SORCS2: variants seen among roughly 807,000 people sequenced by gnomAD.
SORCS2 encodes sortilin related VPS10 domain containing receptor 2, also known as VPS10 domain-containing receptor SorCS2.
Under a neutral mutation model 141.6 loss-of-function variants are expected in SORCS2, and 100 were observed. That is an observed-to-expected ratio of 0.71 (90% CI 0.60 to 0.83). SORCS2 has a LOEUF of 0.83. Among genes scored for constraint, SORCS2 ranks in the 40% least tolerant of loss-of-function variants. The probability of loss-of-function intolerance (pLI) is 0.00; values close to 1 mark genes in which losing one functional copy is unlikely to be tolerated. For missense variants in SORCS2, 1,646 were observed against 1,560.2 expected, an observed-to-expected ratio of 1.05 and a Z score of -0.93; for synonymous variants, 789 against 676.9, an observed-to-expected ratio of 1.17 and a Z score of -2.57.
At position 7,193,039 on chromosome 4, in the gene SORCS2, G is replaced by C. The variant is rs1192274311; in HGVS notation, c.393G>C (p.Gln131His). ...TGGCCGGAGTGGCTTCGCGGGCGCA[G>C]GTCTCGCTCATCAGCACGTCGTTCG... ...APLAGVASRAQVSLISTSFVL... is the reference protein window; with the variant it reads ...APLAGVASRAHVSLISTSFVL... The change falls in exon 1 of 27, where the codon CAG becomes CAC. Residue 131 changes from glutamine (Q) to histidine (H), a missense_variant. Transcript: ENST00000507866. This position sits in a 1 kb window ranked among gnomAD's most constrained non-coding sequence, Gnocchi z 4.8. 8 of 1,524,212 alleles carry C rather than the reference G, an allele frequency of 5.2e-6. 1 individual carries two copies. The South Asian group carries it at 8.5e-5, about 16-fold the overall frequency. The allele number at this position is 1,524,212 out of a possible 1,614,324, so 94.4% of individuals were successfully genotyped here. A position where few individuals can be genotyped will look rare whatever the true frequency, so the allele number is the denominator to read the frequency against.
Position 7,724,692 on chromosome 4 carries a change from G to A in SORCS2, c.2612-462G>A, listed in dbSNP as rs1304354770. On this transcript the variant is annotated intron_variant, in intron 19 of 26. Coordinates refer to ENST00000507866, the MANE Select transcript of SORCS2 (RefSeq NM_020777.3). ...TAATGGTGGTAGTGGTGATGGTGGT[G>A]GTGTTGGTGATGGTGGTGATAGTAT... Among the ~76,000 whole-genome samples the A allele has an allele frequency of 6.2e-4, 60 of 96,490 alleles. 15 individuals are homozygous for A. Among genetic ancestry groups the A allele is most frequent in the South Asian group, 1.8e-3 (5 of 2,804 alleles). 63.3% of individuals were successfully genotyped at this position (96,490 alleles called of 152,430 possible). A position where few individuals can be genotyped will look rare whatever the true frequency, so the allele number is the denominator to read the frequency against.
At chr4:7,373,456 T>C (rs12501266) in intron 1 of SORCS2, among the ~76,000 whole-genome samples, 53,561 of 88,500 alleles carry the variant, frequency 0.61, 17,146 homozygotes, top group East Asian at 0.85. Flanking sequence ...TGTGAGAAAC[T>C]TTTATATATA....
Position 7,682,799 on chromosome 4 carries a change from G to T in SORCS2, c.1398G>T (p.Met466Ile), listed in dbSNP as rs1244263660. 1 of 1,612,832 alleles carries T rather than the reference G, an allele frequency of 6.2e-7. No homozygotes were observed. Among genetic ancestry groups the T allele is most frequent in the East Asian group, 2.2e-5 (1 of 44,866 alleles). The stretch of plus-strand genomic sequence containing the variant: ...ACCAAAAAATTGATGGGAAAGTGAT[G>T]ACGCTTATAACCTACAACAAGGGCC... ...LANQKIDGKV[M>I]TLITYNKGRD... Residue 466 changes from methionine to isoleucine, a missense_variant, in exon 10 of 27, where the codon ATG (methionine) becomes ATT (isoleucine). Physicochemically the swap from Met to Ile is conservative, Grantham distance 10 (BLOSUM62 1). Coordinates refer to ENST00000507866, the MANE Select transcript of SORCS2 (RefSeq NM_020777.3).
intron 2 of SORCS2, among the ~76,000 whole-genome samples, chr4:7,423,004 C>A (rs1267899240): frequency 2.0e-5 from 3 of 149,442 alleles, no homozygotes; most frequent in Admixed American, 6.7e-5. Context: ...CCCTACCCCC[C>A]ACCCCTCTCT....
At chr4:7,518,479 T>A (rs1282447659) in intron 2 of SORCS2, among the ~76,000 whole-genome samples, 2 of 152,190 alleles carry the variant, frequency 1.3e-5, no homozygotes, top group African/African-American at 4.8e-5. Context: ...GTGTGTCTCG[T>A]GGGGACTGCA....
At position 7,459,984 on chromosome 4, in the gene SORCS2, C is replaced by T. The variant is rs536659901; in HGVS notation, c.548+63629C>T. 238 of 154,866 alleles carry T rather than the reference C, an allele frequency of 1.5e-3. 4 individuals are homozygous for T. The highest frequency in any genetic ancestry group is 5.4e-3 in the African/African-American group (224 of 41,620). 9.6% of individuals were successfully genotyped at this position (154,866 alleles called of 1,614,324 possible). A position where few individuals can be genotyped will look rare whatever the true frequency, so the allele number is the denominator to read the frequency against. On this transcript the variant is annotated intron_variant, in intron 2 of 26. Coordinates refer to ENST00000507866, the MANE Select transcript of SORCS2 (RefSeq NM_020777.3). Reference sequence around the variant, plus strand: ...CGTCCTTCATGTCATCCAGGGCCACCCCTGCAGAGCCCAGTGGCCCTGAGC... The same window carrying T: ...CGTCCTTCATGTCATCCAGGGCCACTCCTGCAGAGCCCAGTGGCCCTGAGC...
intron 2 of SORCS2, among the ~76,000 whole-genome samples, chr4:7,514,723 C>T (rs1331243716): frequency 1.3e-5 from 2 of 152,090 alleles, no homozygotes; most frequent in East Asian, 3.9e-4. Context: ...AGGTACCTGC[C>T]AACCAGGGAC....
intron 2 of SORCS2, among the ~76,000 whole-genome samples, chr4:7,474,151 T>C (rs1168486393): frequency 6.6e-6 from 1 of 152,184 alleles, no homozygotes; most frequent in Non-Finnish European, 1.5e-5. Flanking sequence ...GCCTGGCACC[T>C]GCTCAGCGCT....
chr4:7,297,139 T>C (rs906031619), intron 1 of SORCS2, among the ~76,000 whole-genome samples: 3 of 152,282 alleles, frequency 2.0e-5, no homozygotes, highest in African/African-American at 7.2e-5. Context: ...TCTCTGGGCA[T>C]CTCCTCTGCA....
At chr4:7,337,150 T>C (rs1720038503) in intron 1 of SORCS2, among the ~76,000 whole-genome samples, 1 of 152,154 alleles carries the variant, frequency 6.6e-6, no homozygotes, top group Non-Finnish European at 1.5e-5. Flanking sequence ...AGTCTAGAAT[T>C]GCAGAAGGTG....
intron 2 of SORCS2, among the ~76,000 whole-genome samples, chr4:7,415,724 C>T (rs1358896075): frequency 6.6e-6 from 1 of 152,232 alleles, no homozygotes; most frequent in Non-Finnish European, 1.5e-5. Context: ...CTTGCTGGGG[C>T]ACCAAGATTG....
At chr4:7,376,004 T>A (rs1722621068) in intron 1 of SORCS2, among the ~76,000 whole-genome samples, 1 of 152,168 alleles carries the variant, frequency 6.6e-6, no homozygotes, top group Non-Finnish European at 1.5e-5. Flanking sequence ...GCTTAGAAAG[T>A]TCTAGGTAAA....
chr4:7,335,076 G>A (rs1042721045), intron 1 of SORCS2, among the ~76,000 whole-genome samples: 1 of 152,128 alleles, frequency 6.6e-6, no homozygotes, highest in Non-Finnish European at 1.5e-5. Context: ...TACACAGAGG[G>A]CATCTGTGTC....
At chr4:7,370,375 G>A (rs141796419) in intron 1 of SORCS2, among the ~76,000 whole-genome samples, 6 of 152,308 alleles carry the variant, frequency 3.9e-5, no homozygotes, top group Middle Eastern at 3.4e-3. Flanking sequence ...CGTGCGGCTC[G>A]GCTCTGCAGA....
intron 2 of SORCS2, among the ~76,000 whole-genome samples, chr4:7,473,597 A>G (rs546013770): frequency 6.6e-6 from 1 of 152,180 alleles, no homozygotes; most frequent in Non-Finnish European, 1.5e-5. Context: ...CTGGAAACCC[A>G]AGACAGAATC....
At chr4:7,573,855 G>GAGT (rs1560397079) in intron 3 of SORCS2, among the ~76,000 whole-genome samples, 2 of 151,924 alleles carry the variant, frequency 1.3e-5, no homozygotes, top group East Asian at 3.9e-4. Flanking sequence ...CATGCAGGGT[G>GAGT]AATTTCAAGT....
chr4:7,418,712 CCA>C (rs1553859482), intron 2 of SORCS2, among the ~76,000 whole-genome samples: 3 of 145,770 alleles, frequency 2.1e-5, no homozygotes, highest in African/African-American at 7.6e-5. Context: ...ACCCCCCCCC[CCA>C]CCAGATTTGT....
At chr4:7,318,226 G>A (rs1057306422) in intron 1 of SORCS2, among the ~76,000 whole-genome samples, 2 of 152,210 alleles carry the variant, frequency 1.3e-5, no homozygotes, top group Non-Finnish European at 2.9e-5. Flanking sequence ...GCTCAGGGAG[G>A]TAAGTCCCTG....
At chr4:7,381,829 G>T in intron 1 of SORCS2, 1 of 876,952 alleles carries the variant, frequency 1.1e-6, no homozygotes, top group Non-Finnish European at 1.4e-6. Context: ...TGTGCCAGGA[G>T]CCAGGGCCAG....
Sources: allele counts gnomAD v4.1 joint callset (sites outside exome capture counted in the v4.1 genomes callset), GRCh38; gene constraint gnomAD v4.1.1; non-coding constraint Gnocchi (gnomAD v3.1); transcripts MANE v1.5; gene names NCBI Gene and HGNC (gene_info 2026-07-23, HGNC 2026-07-21).